N4BP2L2: variants seen among roughly 807,000 people sequenced by gnomAD.
N4BP2L2 encodes NEDD4-binding protein 2-like 2.
Under a neutral mutation model 56.2 loss-of-function variants are expected in N4BP2L2, and 50 were observed. The observed-to-expected ratio is 0.89, with a 90% CI of 0.71 to 1.13. The LOEUF (loss-of-function observed/expected upper bound fraction) is 1.13, where lower values mean the gene tolerates loss of function less well. Ranked by LOEUF, N4BP2L2 falls within the 50% of genes most tolerant of loss-of-function variation. The pLI, the probability that N4BP2L2 is intolerant of heterozygous loss-of-function variation, is 0.00. For synonymous variants in N4BP2L2, 203 were observed against 223.6 expected, an observed-to-expected ratio of 0.91 and a Z score of 0.82; for missense variants, 689 against 693.8, an observed-to-expected ratio of 0.99 and a Z score of 0.08.
intron 6 of N4BP2L2, among the ~76,000 whole-genome samples, chr13:32,491,000 C>CAAAA (rs5802645): frequency 6.2e-5 from 9 of 145,688 alleles, no homozygotes; most frequent in East Asian, 2.0e-4. Context: ...CAGATTAAAG[C>CAAAA]AAAAAAAAAA....
exon 2 of N4BP2L2, chr13:32,536,301 G>A (rs1351457973): frequency 6.2e-7 from 1 of 1,613,636 alleles, no homozygotes; most frequent in South Asian, 1.1e-5. Flanking sequence ...TATTTGTCTG[G>A]CTCATTCCCC....
At chr13:32,500,379 T>C (rs943755832) in intron 6 of N4BP2L2, among the ~76,000 whole-genome samples, 1 of 152,118 alleles carries the variant, frequency 6.6e-6, no homozygotes, top group Non-Finnish European at 1.5e-5. Flanking sequence ...AAATAACTTC[T>C]ACTTCAGTTT....
intron 6 of N4BP2L2, among the ~76,000 whole-genome samples, chr13:32,452,691 T>C (rs2078296635): frequency 6.6e-6 from 1 of 152,224 alleles, no homozygotes; most frequent in Non-Finnish European, 1.5e-5. Context: ...TCAAATCCAT[T>C]ACTATTTAAA....
intron 6 of N4BP2L2, among the ~76,000 whole-genome samples, chr13:32,484,780 C>T (rs539770587): frequency 7.2e-5 from 11 of 152,242 alleles, no homozygotes; most frequent in African/African-American, 1.4e-4. Context: ...CCACCATGCC[C>T]GGCTGTAATT....
chr13:32,438,463 G>A (rs1184791408), intron 8 of N4BP2L2, among the ~76,000 whole-genome samples: 3 of 152,160 alleles, frequency 2.0e-5, no homozygotes, highest in Non-Finnish European at 4.4e-5. Flanking sequence ...GCCAGGTGTG[G>A]TGGCACATGC....
intron 6 of N4BP2L2, among the ~76,000 whole-genome samples, chr13:32,498,926 T>C (rs145094291): frequency 1.4e-5 from 2 of 141,354 alleles, no homozygotes; most frequent in East Asian, 4.2e-4. Context: ...GAGATGGAGG[T>C]TGCACTGAGC....
chr13:32,491,126 C>A lies in N4BP2L2; in HGVS notation c.365+26731G>T, dbSNP rs79863104. On this transcript the variant is annotated intron_variant, in intron 6 of 9. Transcript: ENST00000357505. ...ACCGAAATAGAACCCAGAGAAAATCCATAGTTCTGAGATTCTGAAGGGAAA... is the reference window on the plus strand; with the variant it reads ...ACCGAAATAGAACCCAGAGAAAATCAATAGTTCTGAGATTCTGAAGGGAAA... 1.2e-3 allele frequency among the ~76,000 whole-genome samples: 189 copies of A among 152,136 alleles called. 6 individuals carry two copies. In the East Asian group the frequency reaches 0.031, roughly 25 times the overall value.
chr13:32,538,561 G>T, intron 1 of N4BP2L2, 57 bp downstream of exon 1: 1 of 931,428 alleles, frequency 1.1e-6, no homozygotes, highest in Non-Finnish European at 1.3e-6. Context: ...GTCAAGAAGT[G>T]AAAGCGAAAA....
intron 6 of N4BP2L2, chr13:32,480,746 G>T (rs373185510): frequency 1.8e-6 from 1 of 553,986 alleles, no homozygotes; most frequent in Non-Finnish European, 2.9e-6. Context: ...TCATTTTATA[G>T]ACTGAAGAAC....
At chr13:32,443,784 A>T in exon 7 of N4BP2L2, 5 of 1,580,110 alleles carry the variant, frequency 3.2e-6, no homozygotes, top group Non-Finnish European at 4.3e-6. Flanking sequence ...TAGAGAGGTA[A>T]TTCTTTGGTG....
intron 3 of N4BP2L2, among the ~76,000 whole-genome samples, chr13:32,526,144 T>C (rs948991644): frequency 1.3e-5 from 2 of 149,428 alleles, no homozygotes; most frequent in African/African-American, 2.5e-5. Flanking sequence ...AAGAAGCAAA[T>C]AGACAACTAC....
chr13:32,507,447 T>G (rs896822281), downstream of N4BP2L2: 4 of 152,148 alleles, frequency 2.6e-5, no homozygotes, highest in African/African-American at 9.6e-5. Flanking sequence ...TTAGATTTTG[T>G]GGACACAGCT....
chr13:32,498,096 C>T (rs2089171710), intron 6 of N4BP2L2, among the ~76,000 whole-genome samples: 1 of 151,788 alleles, frequency 6.6e-6, no homozygotes, highest in Non-Finnish European at 1.5e-5. Flanking sequence ...AGCGACTCTC[C>T]CATCTCAGCC....
chr13:32,446,318 T>A (rs943208728), intron 6 of N4BP2L2: 1 of 1,300,420 alleles, frequency 7.7e-7, no homozygotes, highest in South Asian at 1.2e-5. Flanking sequence ...GAGTAAAGAG[T>A]GCTATCTGTG....
Position 32,442,971 on chromosome 13 carries a change from A to T in N4BP2L2, c.1521T>A (p.His507Gln), listed in dbSNP as rs758548874. ...CTTCTCCCAAAGTAATTTTTAGTCCATGGTTTTTTGTTAACAGGTCACATT... is the reference window on the plus strand; with the variant it reads ...CTTCTCCCAAAGTAATTTTTAGTCCTTGGTTTTTTGTTAACAGGTCACATT... Residue 507 changes from histidine (H) to glutamine (Q), a missense_variant, in exon 7 of 10, where the codon CAT becomes CAA. By Grantham distance (24) the His-to-Gln change is conservative. Transcript: ENST00000357505. 1 of 1,613,502 alleles carries T rather than the reference A, an allele frequency of 6.2e-7. No individual in the cohort carries two copies. The highest frequency in any genetic ancestry group is 1.3e-5 in the African/African-American group (1 of 74,876).
At chr13:32,503,058 AG>A (rs2139598646) in intron 6 of N4BP2L2, among the ~76,000 whole-genome samples, 1 of 150,922 alleles carries the variant, frequency 6.6e-6, no homozygotes, top group South Asian at 2.1e-4. Flanking sequence ...CTGTAATCCC[AG>A]CGACTCGGGA....
At chr13:32,442,584 C>T (rs1443919239) in exon 7 of N4BP2L2, 1 of 1,613,658 alleles carries the variant, frequency 6.2e-7, no homozygotes, top group Non-Finnish European at 8.5e-7. Flanking sequence ...AAGTGACTCC[C>T]AAAGAGCACG....
At chr13:32,538,668 T>C in exon 1 of N4BP2L2, 2 of 985,428 alleles carry the variant, frequency 2.0e-6, no homozygotes, top group Non-Finnish European at 2.4e-6. Flanking sequence ...AACCTTCTTT[T>C]AGGAAGACAC....
intron 5 of N4BP2L2, among the ~76,000 whole-genome samples, chr13:32,520,339 G>C (rs965901910): frequency 6.7e-6 from 1 of 149,562 alleles, no homozygotes; most frequent in Non-Finnish European, 1.5e-5. Flanking sequence ...AGGTGGGGAC[G>C]AGGAAGACGA....
Sources: allele counts gnomAD v4.1 joint callset (sites outside exome capture counted in the v4.1 genomes callset), GRCh38; gene constraint gnomAD v4.1.1; transcripts MANE v1.5; gene names NCBI Gene and HGNC (gene_info 2026-07-23, HGNC 2026-07-21).